The following CCDC134 variants were observed in gnomAD, a reference collection of about 807,000 sequenced individuals.
CCDC134 encodes coiled-coil domain-containing protein 134.
Under a neutral mutation model 25.6 loss-of-function variants are expected in CCDC134, and 27 were observed. The observed-to-expected ratio is 1.05, with a 90% CI of 0.78 to 1.45. The LOEUF (loss-of-function observed/expected upper bound fraction) is 1.45. Among genes scored for constraint, CCDC134 ranks in the 40% most tolerant of loss-of-function variants. The probability of loss-of-function intolerance (pLI) is 0.00; values close to 1 mark genes in which losing one functional copy is unlikely to be tolerated. For synonymous variants in CCDC134, 110 were observed against 115.0 expected (o/e 0.96, Z 0.28); for missense variants, 261 against 286.7 (o/e 0.91, Z 0.65).
rs370551099 is a variant in CCDC134, at chr22:41,822,286, A to T, written c.565-3412A>T. Among the ~76,000 whole-genome samples, 9 of 152,220 alleles carry T rather than the reference A, an allele frequency of 5.9e-5. No individual in the cohort carries two copies. The East Asian group carries it at 1.7e-3, about 29-fold the overall frequency. On this transcript the variant is annotated intron_variant, in intron 6 of 6. Coordinates refer to ENST00000255784, the MANE Select transcript of CCDC134 (RefSeq NM_024821.5). ...AGCAGGCAATGAAGAGTGAATTTGG[A>T]ATAGAGAGGAAATAAATTGATGACT...
At chr22:41,805,948 T>G (rs1210261636) in intron 1 of CCDC134, among the ~76,000 whole-genome samples, 1 of 152,064 alleles carries the variant, frequency 6.6e-6, no homozygotes, top group Non-Finnish European at 1.5e-5. Flanking sequence ...GAAAAGAAAA[T>G]TATCTTCATC....
intron 1 of CCDC134, among the ~76,000 whole-genome samples, 183 bp from the exon 2 acceptor site, chr22:41,808,692 G>A (rs186569221): frequency 5.9e-5 from 9 of 152,284 alleles, no homozygotes; most frequent in East Asian, 5.8e-4. Flanking sequence ...AGCATCCCAC[G>A]GCTCTGTATT....
At position 41,829,570 on chromosome 22, in the gene CCDC134, T is replaced by G. The variant is rs528306829; in HGVS notation, c.*3747T>G. On this transcript the variant is annotated 3_prime_UTR_variant, in exon 7 of 7. Transcript: ENST00000255784. ...CAATTGGAAGGCTTCCTAGAGGAAG[T>G]AATATCTGAACTGAATCCTGAAAGA... Among the ~76,000 whole-genome samples, 2 of 152,180 alleles carry G rather than the reference T, an allele frequency of 1.3e-5. No homozygotes were observed. The highest frequency in any genetic ancestry group is 2.9e-5 in the Non-Finnish European group (2 of 68,008).
intron 4 of CCDC134, among the ~76,000 whole-genome samples, chr22:41,811,541 G>A (rs1313728985): frequency 6.6e-6 from 1 of 152,132 alleles, no homozygotes; most frequent in East Asian, 1.9e-4. Flanking sequence ...TGATTCTTGT[G>A]CCTCAGCCTC....
In CCDC134 at chr22:41,830,884, C is replaced by CTTTTTTTTTTTTTTTTT. The variant is rs67246997; in HGVS notation, c.*5067_*5083dup. On this transcript the variant is annotated 3_prime_UTR_variant, in exon 7 of 7. Coordinates refer to ENST00000255784, the MANE Select transcript of CCDC134 (RefSeq NM_024821.5). ...AGATCCTTATTTTTTCTTTTCTTTT[C>CTTTTTTTTTTTTTTTTT]TTTTTTTTTTTTTTTTTTTTTTGAG... Among the ~76,000 whole-genome samples, 2 of 117,290 alleles carry CTTTTTTTTTTTTTTTTT rather than the reference C, an allele frequency of 1.7e-5. No individual in the cohort carries two copies. The highest frequency in any genetic ancestry group is 2.3e-4 in the East Asian group (1 of 4,358). The allele number at this position is 117,290 out of a possible 152,430, so 76.9% of individuals were successfully genotyped here. A position where few individuals can be genotyped will look rare whatever the true frequency, so the allele number is the denominator to read the frequency against.
chr22:41,808,991 T>G lies in CCDC134; in HGVS notation c.101T>G (p.Ile34Ser). The change falls in exon 2 of 7, where the codon ATC becomes AGC. Residue 34 changes from isoleucine (I) to serine (S), a missense_variant and splice_region_variant. Coordinates refer to ENST00000255784, the MANE Select transcript of CCDC134 (RefSeq NM_024821.5). ...ACCTCCCTGGACCCAAGCCTGGAGA[T>G]CTGTATCCTTTGGGGTTGTAGTTAA... is the stretch of plus-strand genomic sequence containing the variant. The part of the protein sequence containing the change: ...LRTSLDPSLE[I>S]YKKMFEVKRR... The G allele has an allele frequency of 6.2e-7, 1 of 1,611,952 alleles. No homozygotes were observed. The highest frequency in any genetic ancestry group is 8.5e-7 in the Non-Finnish European group (1 of 1,178,218).
Position 41,825,750 on chromosome 22 carries a change from G to T in CCDC134, c.617G>T (p.Arg206Leu), listed in dbSNP as rs761898138. The T allele has an allele frequency of 1.9e-6, 3 of 1,614,046 alleles. No homozygotes were observed. In the African/African-American group the frequency reaches 4.0e-5, roughly 22 times the overall value. The change falls in exon 7 of 7, where the codon CGC (arginine) becomes CTC (leucine). Residue 206 changes from arginine (R) to leucine (L), a missense_variant. By Grantham distance (102) the Arg-to-Leu change is moderately radical. Coordinates refer to ENST00000255784, the MANE Select transcript of CCDC134 (RefSeq NM_024821.5). This position sits in a 1 kb window ranked among gnomAD's most constrained non-coding sequence, Gnocchi z 4.4. ...AAGGCCCTGAGAGAAGAAGAGAAAC[G>T]CCGAAAGAAAGAGGAGAAGCGGAAG... ...FQKALREEEK[R>L]RKKEEKRKEI... is the part of the protein sequence containing the mutation.
chr22:41,810,079 C>T (rs1375945895), intron 3 of CCDC134, 79 bp downstream of exon 3: 20 of 1,601,156 alleles, frequency 1.2e-5, no homozygotes, highest in Middle Eastern at 1.9e-4. Context: ...AGTTCCCTAA[C>T]GGGTTGGTGT....
At chr22:41,807,442 G>T (rs2076573655) in intron 1 of CCDC134, among the ~76,000 whole-genome samples, 1 of 151,962 alleles carries the variant, frequency 6.6e-6, no homozygotes, top group African/African-American at 2.4e-5. Context: ...TGCACCTGTA[G>T]TGCCAGCTAT....
chr22:41,806,563 G>A (rs2148305254), intron 1 of CCDC134, among the ~76,000 whole-genome samples: 1 of 152,106 alleles, frequency 6.6e-6, no homozygotes, highest in East Asian at 1.9e-4. Context: ...ATCAGCAGTG[G>A]ACAAGGAAAT....
In CCDC134 at chr22:41,826,651, G is replaced by A. The variant is rs1448353994; in HGVS notation, c.*828G>A. Among the ~76,000 whole-genome samples, 4 of 152,236 alleles carry A rather than the reference G, an allele frequency of 2.6e-5. No homozygotes were observed. The highest frequency in any genetic ancestry group is 5.9e-5 in the Non-Finnish European group (4 of 68,036). Reference sequence around the variant, plus strand: ...ACAGTCAACCTGTGGGTGGGGGGCTGCAGGGGGACAGGCCGCAGCCCTGCA... The same window carrying A: ...ACAGTCAACCTGTGGGTGGGGGGCTACAGGGGGACAGGCCGCAGCCCTGCA... On this transcript the variant is annotated 3_prime_UTR_variant, in exon 7 of 7. Transcript: ENST00000255784.
Position 41,830,399 on chromosome 22 carries a change from T to C in CCDC134, c.*4576T>C, listed in dbSNP as rs566251280. 6.6e-6 allele frequency among the ~76,000 whole-genome samples: 1 copy of C among 152,276 alleles called. No homozygotes were observed. The highest frequency in any genetic ancestry group is 1.9e-4 in the East Asian group (1 of 5,172). On this transcript the variant is annotated 3_prime_UTR_variant, in exon 7 of 7. Transcript: ENST00000255784. ...CCACCTCTGGAGGGGGTCACTGAGG[T>C]TCTGGGTTGTGGGGGGTGCCCTGGG...
Position 41,809,976 on chromosome 22 carries a change from T to C in CCDC134, c.201T>C (p.Asp67=). 6.2e-7 allele frequency: 1 copy of C among 1,614,130 alleles called. No individual in the cohort carries two copies. Among genetic ancestry groups the C allele is most frequent in the Non-Finnish European group, 8.5e-7 (1 of 1,180,006 alleles). ...NDIHQQYKIL[D]VMLKGLFKVL... The stretch of plus-strand genomic sequence containing the variant: ...TCCACCAGCAGTACAAGATCCTTGA[T>C]GTCATGCTCAAGGGGCTCTTTAAGG... Residue 67 remains aspartate, a synonymous_variant, in exon 3 of 7, where the codon GAT becomes GAC. Transcript: ENST00000255784.
At position 41,829,775 on chromosome 22, in the gene CCDC134, C is replaced by CT. The variant is rs140582057; in HGVS notation, c.*3960dup. Among the ~76,000 whole-genome samples, 3 of 151,928 alleles carry CT rather than the reference C, an allele frequency of 2.0e-5. No homozygotes were observed. The highest frequency in any genetic ancestry group is 4.8e-5 in the African/African-American group (2 of 41,466). On this transcript the variant is annotated 3_prime_UTR_variant, in exon 7 of 7. Coordinates refer to ENST00000255784, the MANE Select transcript of CCDC134 (RefSeq NM_024821.5). ...ATCCATCCCTTTTCTTTCTTTCTTTCTTTTTTTTCTTTTTTTTTGAGACAA... is the reference window on the plus strand; with the variant it reads ...ATCCATCCCTTTTCTTTCTTTCTTTCTTTTTTTTTCTTTTTTTTTGAGACAA...
Position 41,827,802 on chromosome 22 carries a change from G to T in CCDC134, c.*1979G>T, listed in dbSNP as rs566101108. ...ATTCACTGGCTCAGCTGTTTAACCT[G>T]TCCTGGTGCCAGCAGCTGGAGCTGG... On this transcript the variant is annotated 3_prime_UTR_variant, in exon 7 of 7. Coordinates refer to ENST00000255784, the MANE Select transcript of CCDC134 (RefSeq NM_024821.5). Among the ~76,000 whole-genome samples, 29 of 152,308 alleles carry T rather than the reference G, an allele frequency of 1.9e-4. No individual in the cohort carries two copies. The highest frequency in any genetic ancestry group is 1.1e-3 in the Admixed American group (17 of 15,302).
rs369275467 is a variant in CCDC134, at chr22:41,809,946, C to T, written c.171C>T (p.Asn57=). Residue 57 remains asparagine (N), a synonymous_variant, in exon 3 of 7, where the codon AAC becomes AAT. Coordinates refer to ENST00000255784, the MANE Select transcript of CCDC134 (RefSeq NM_024821.5). ...CACTGAAGAACCTGGCACAGCTGAA[C>T]GACATCCACCAGCAGTACAAGATCC... ...LLALKNLAQL[N]DIHQQYKILD... is the part of the protein sequence containing the mutation. 12 of 1,613,998 alleles carry T rather than the reference C, an allele frequency of 7.4e-6. No individual in the cohort carries two copies. Among genetic ancestry groups the T allele is most frequent in the South Asian group, 1.1e-5 (1 of 91,082 alleles).
chr22:41,819,120 C>T (rs895412506), intron 6 of CCDC134, among the ~76,000 whole-genome samples: 1 of 152,152 alleles, frequency 6.6e-6, no homozygotes, highest in Admixed American at 6.5e-5. Context: ...ACTTGTCTCT[C>T]GCAGGAGCCC....
intron 1 of CCDC134, among the ~76,000 whole-genome samples, chr22:41,803,742 C>T (rs530108360): frequency 6.4e-4 from 97 of 151,348 alleles, no homozygotes; most frequent in African/African-American, 2.3e-3. Flanking sequence ...CACTCCAGCT[C>T]GGGCTACAGA....
chr22:41,826,015 A>G lies in CCDC134; in HGVS notation c.*192A>G. The G allele has an allele frequency of 1.5e-6, 1 of 681,142 alleles. No homozygotes were observed. The allele number at this position is 681,142 out of a possible 1,614,324, so 42.2% of individuals were successfully genotyped here. The stretch of plus-strand genomic sequence containing the variant: ...GCCTCAGATGGCTGGATTTTCTCTC[A>G]GGGGCCTCCTGCTGAAGGGGCCTTC... On this transcript the variant is annotated 3_prime_UTR_variant, in exon 7 of 7. Coordinates refer to ENST00000255784, the MANE Select transcript of CCDC134 (RefSeq NM_024821.5).
Sources: allele counts gnomAD v4.1 joint callset (sites outside exome capture counted in the v4.1 genomes callset), GRCh38; gene constraint gnomAD v4.1.1; non-coding constraint Gnocchi (gnomAD v3.1); transcripts MANE v1.5; gene names NCBI Gene and HGNC (gene_info 2026-07-23, HGNC 2026-07-21).